ELP3: variants seen among roughly 807,000 people sequenced by gnomAD.
ELP3 encodes the protein elongator acetyltransferase complex subunit 3.
ELP3 carries 56 observed loss-of-function variants against 74.9 expected under a neutral mutation model. That is an observed-to-expected ratio of 0.75 (90% CI 0.60 to 0.93). The LOEUF (loss-of-function observed/expected upper bound fraction) is 0.93. Ranked by LOEUF, ELP3 falls within the 40% of genes least tolerant of loss-of-function variation. The pLI, the probability that ELP3 is intolerant of heterozygous loss-of-function variation, is 0.00. For missense variants in ELP3, 573 were observed against 686.5 expected (o/e 0.83, Z 1.85); for synonymous variants, 222 against 239.8 (o/e 0.93, Z 0.68).
intron 14 of ELP3, among the ~76,000 whole-genome samples, chr8:28,169,920 G>A (rs993213914): frequency 6.6e-6 from 1 of 152,120 alleles, no homozygotes; most frequent in African/African-American, 2.4e-5. Context: ...CCCATTTATA[G>A]GGCTGCTTGT....
intron 10 of ELP3, among the ~76,000 whole-genome samples, chr8:28,146,654 C>CT (rs1434920849): frequency 1.3e-5 from 2 of 152,168 alleles, no homozygotes; most frequent in South Asian, 4.1e-4. Flanking sequence ...GTAACAATGC[C>CT]TGCTTATATA....
At chr8:28,158,070 A>AG (rs1813908734) in intron 11 of ELP3, among the ~76,000 whole-genome samples, 2 of 127,852 alleles carry the variant, frequency 1.6e-5, no homozygotes, top group Non-Finnish European at 3.2e-5. Flanking sequence ...AAAAAAAAAA[A>AG]GCCATCTTCA....
Position 28,158,591 on chromosome 8 carries a change from A to C in ELP3, c.1215A>C (p.Glu405Asp). The C allele has an allele frequency of 1.2e-6, 2 of 1,613,400 alleles. No individual in the cohort carries two copies. Among genetic ancestry groups the C allele is most frequent in the Non-Finnish European group, 8.5e-7 (1 of 1,179,800 alleles). ...GIQCRDVRTREVGIQEIHHKV... is the reference protein window; with the variant it reads ...GIQCRDVRTRDVGIQEIHHKV... ...AGTGTCGAGATGTGAGAACCAGAGAAGTTGGAATCCAAGAAATTCATCACA... is the reference window on the plus strand; with the variant it reads ...AGTGTCGAGATGTGAGAACCAGAGACGTTGGAATCCAAGAAATTCATCACA... Residue 405 changes from glutamate to aspartate, a missense_variant, in exon 12 of 15, where the codon GAA becomes GAC. Physicochemically the swap from Glu to Asp is conservative, Grantham distance 45. Transcript: ENST00000256398.
chr8:28,135,825 T>C (rs1812965741), intron 9 of ELP3, among the ~76,000 whole-genome samples: 1 of 152,198 alleles, frequency 6.6e-6, no homozygotes, highest in South Asian at 2.1e-4. Flanking sequence ...TTTTCTTTAC[T>C]TGCAAAGTCA....
At chr8:28,160,727 C>T (rs1427800181) in intron 13 of ELP3, among the ~76,000 whole-genome samples, 1 of 152,118 alleles carries the variant, frequency 6.6e-6, no homozygotes, top group Non-Finnish European at 1.5e-5. Context: ...CAGAGCCTCA[C>T]TTTGTCACCC....
chr8:28,151,238 A>T (rs1179388358), intron 10 of ELP3, among the ~76,000 whole-genome samples: 3 of 152,122 alleles, frequency 2.0e-5, no homozygotes, highest in Non-Finnish European at 4.4e-5. Flanking sequence ...AGCCCATCAC[A>T]GGCATTCTTT....
intron 7 of ELP3, among the ~76,000 whole-genome samples, chr8:28,119,572 TTATATATATATATATA>T (rs72105276): frequency 0.059 from 2,773 of 46,674 alleles, 141 homozygotes; most frequent in South Asian, 0.086. Context: ...TTGTGGCGTT[TTATATATATATATATA>T]TATATATATA....
chr8:28,097,206 A>G lies in ELP3; in HGVS notation c.20-13A>G. ...GATACGATTTTTGACATTGTTGAAT[A>G]TTAACTTTCCAGGAGATCTCAGCCC... is the stretch of plus-strand genomic sequence containing the variant. On this transcript the variant is annotated splice_polypyrimidine_tract_variant and intron_variant, in intron 1 of 14. Coordinates refer to ENST00000256398, the MANE Select transcript of ELP3 (RefSeq NM_018091.6). 1.3e-6 allele frequency: 2 copies of G among 1,568,416 alleles called. No individual in the cohort carries two copies. The highest frequency in any genetic ancestry group is 1.7e-6 in the Non-Finnish European group (2 of 1,151,886).
At chr8:28,123,430 GC>G (rs1812450306) in intron 7 of ELP3, among the ~76,000 whole-genome samples, 1 of 152,026 alleles carries the variant, frequency 6.6e-6, no homozygotes, top group Non-Finnish European at 1.5e-5. Context: ...TTGTTTTGTG[GC>G]CCAGCATATG....
chr8:28,106,532 T>A (rs1811697993), intron 3 of ELP3, among the ~76,000 whole-genome samples, 181 bp from the exon 4 acceptor site: 1 of 114,132 alleles, frequency 8.8e-6, no homozygotes, highest in South Asian at 3.0e-4. Context: ...AGAGCGAGAC[T>A]CCGTCTCAAA....
chr8:28,169,120 C>A (rs945606466), intron 14 of ELP3, among the ~76,000 whole-genome samples: 1 of 152,142 alleles, frequency 6.6e-6, no homozygotes, highest in Admixed American at 6.5e-5. Context: ...TCCTTATGCA[C>A]CCCATCCTCT....
intron 1 of ELP3, 130 bp downstream of exon 1, chr8:28,093,363 C>T: frequency 2.3e-6 from 3 of 1,282,894 alleles, no homozygotes; most frequent in Non-Finnish European, 3.2e-6. Context: ...CACCTAGGGT[C>T]AGTGTGTCCA....
At chr8:28,128,120 C>T (rs1279405393) in intron 7 of ELP3, among the ~76,000 whole-genome samples, 3 of 151,936 alleles carry the variant, frequency 2.0e-5, no homozygotes, top group African/African-American at 4.8e-5. Context: ...TCTCATCCTC[C>T]CCCCAAAATT....
At chr8:28,180,045 ATATAT>A (rs1031454706) in intron 14 of ELP3, among the ~76,000 whole-genome samples, 22 of 152,062 alleles carry the variant, frequency 1.4e-4, no homozygotes, top group African/African-American at 5.3e-4. Flanking sequence ...TTTTTAGAAA[ATATAT>A]TATTTTTATT....
intron 1 of ELP3, 107 bp downstream of exon 1, chr8:28,093,340 C>T: frequency 1.4e-6 from 2 of 1,466,312 alleles, no homozygotes; most frequent in South Asian, 1.3e-5. Context: ...GCTACCCAGT[C>T]CAGTCGCCCC....
chr8:28,107,931 T>C lies in ELP3; in HGVS notation c.348T>C (p.Pro116=), dbSNP rs764504706. The stretch of plus-strand genomic sequence containing the variant: ...CTGGCAGATACTGCCCTGGTGGACC[T>C]GATTCTGATTTTGAGTATTCCACCC... ...GNICVYCPGG[P]DSDFEYSTQS... The change falls in exon 5 of 15, where the codon CCT becomes CCC. Residue 116 remains proline (P), a synonymous_variant. Transcript: ENST00000256398. 3.1e-6 allele frequency: 5 copies of C among 1,613,886 alleles called. No individual in the cohort carries two copies. Among genetic ancestry groups the C allele is most frequent in the South Asian group, 1.1e-5 (1 of 91,070 alleles).
intron 1 of ELP3, 53 bp downstream of exon 1, chr8:28,093,286 C>G: frequency 6.2e-7 from 1 of 1,606,032 alleles, no homozygotes; most frequent in Non-Finnish European, 8.5e-7. Context: ...GGGGCGAACG[C>G]CCAGGCAATC....
intron 3 of ELP3, among the ~76,000 whole-genome samples, chr8:28,104,564 A>T (rs1437575504): frequency 6.6e-6 from 1 of 151,650 alleles, no homozygotes; most frequent in Non-Finnish European, 1.5e-5. Context: ...TCTTTTTTGG[A>T]CTCCGTTATC....
intron 7 of ELP3, among the ~76,000 whole-genome samples, chr8:28,126,223 A>G (rs1812572177): frequency 6.6e-6 from 1 of 152,146 alleles, no homozygotes; most frequent in African/African-American, 2.4e-5. Context: ...GGAAGATGTC[A>G]TTAGGGGAGA....
Sources: allele counts gnomAD v4.1 joint callset (sites outside exome capture counted in the v4.1 genomes callset), GRCh38; gene constraint gnomAD v4.1.1; transcripts MANE v1.5; gene names NCBI Gene and HGNC (gene_info 2026-07-23, HGNC 2026-07-21).